The following SLC45A1 variants were observed in gnomAD, a reference collection of about 807,000 sequenced individuals.
The protein encoded by SLC45A1 is proton-associated sugar transporter A.
SLC45A1 carries 28 observed loss-of-function variants against 57.6 expected under a neutral mutation model. The ratio of observed to expected loss-of-function variants is 0.49; its 90% confidence interval spans 0.36 to 0.67. SLC45A1 has a LOEUF of 0.67. Ranked by LOEUF, SLC45A1 falls within the 30% of genes least tolerant of loss-of-function variation. The pLI, the probability that SLC45A1 is intolerant of heterozygous loss-of-function variation, is 0.00. For synonymous variants in SLC45A1, 459 were observed against 471.5 expected, an observed-to-expected ratio of 0.97 and a Z score of 0.34; for missense variants, 814 against 1,041.5, an observed-to-expected ratio of 0.78 and a Z score of 3.01.
At chr1:8,321,987 GTGGA>G (rs1200811108) in intron 1 of SLC45A1, among the ~76,000 whole-genome samples, 4 of 67,088 alleles carry the variant, frequency 6.0e-5, no homozygotes, top group African/African-American at 1.8e-4. Context: ...GGATGGGTGG[GTGGA>G]TGGATGGATG....
Position 8,328,608 on chromosome 1 carries a change from G to A in SLC45A1, c.716-1601G>A, listed in dbSNP as rs539347852. 1.3e-5 allele frequency among the ~76,000 whole-genome samples: 2 copies of A among 152,342 alleles called. No homozygotes were observed. The highest frequency in any genetic ancestry group is 2.1e-4 in the South Asian group (1 of 4,830). Reference sequence around the variant, plus strand: ...ACTCCCAGCACTTTGGGAGACCAAGGCAGGCGGATCACCTGAGGTCAGGAG... The same window carrying A: ...ACTCCCAGCACTTTGGGAGACCAAGACAGGCGGATCACCTGAGGTCAGGAG... On this transcript the variant is annotated intron_variant, in intron 4 of 8. Transcript: ENST00000471889. The surrounding 1 kb of genome is among the most constrained non-coding windows in gnomAD (Gnocchi z 4.6).
In SLC45A1 at chr1:8,335,525, GC is replaced by G; in HGVS notation, c.1534del (p.Leu512SerfsTer62). On this transcript the variant is annotated frameshift_variant, in exon 6 of 9. Coordinates refer to ENST00000471889, the MANE Select transcript of SLC45A1 (RefSeq NM_001080397.3). LOFTEE classifies it high-confidence loss of function. This position sits in a 1 kb window ranked among gnomAD's most constrained non-coding sequence, Gnocchi z 4.1. Reference protein sequence around the residue: ...ERAEQPLSVGRLCSTICNMPK... With the variant: ...ERAEQPLSVGXLCSTICNMPK... Reference sequence around the variant, plus strand: ...GCGGAGCAGCCTCTGTCCGTGGGGCGCCTCTGCTCCACCATCTGCAACATGC... The same window carrying G: ...GCGGAGCAGCCTCTGTCCGTGGGGCGCTCTGCTCCACCATCTGCAACATGC... 1 of 1,605,650 alleles carries G rather than the reference GC, an allele frequency of 6.2e-7. No homozygotes were observed. Among genetic ancestry groups the G allele is most frequent in the Non-Finnish European group, 8.5e-7 (1 of 1,179,728 alleles).
chr1:8,333,708 T>A (rs556103840), intron 5 of SLC45A1, among the ~76,000 whole-genome samples: 1 of 152,382 alleles, frequency 6.6e-6, no homozygotes, highest in East Asian at 1.9e-4. Flanking sequence ...GTGCTGGGAT[T>A]CCAGGCGTGA....
rs1014946996 is a variant in SLC45A1, at chr1:8,327,565, G to A, written c.715+1523G>A. The stretch of plus-strand genomic sequence containing the variant: ...GGCTCAGGCCTACTCTCAACACTTC[G>A]GGAGGCTAAGCCAGGAGGATTGCTT... On this transcript the variant is annotated intron_variant, in intron 4 of 8. Transcript: ENST00000471889. This position sits in a 1 kb window ranked among gnomAD's most constrained non-coding sequence, Gnocchi z 4.3. 3.3e-5 allele frequency among the ~76,000 whole-genome samples: 5 copies of A among 152,260 alleles called. No homozygotes were observed. Among genetic ancestry groups the A allele is most frequent in the East Asian group, 1.9e-4 (1 of 5,186 alleles).
At chr1:8,333,772 G>A (rs1297892003) in intron 5 of SLC45A1, among the ~76,000 whole-genome samples, 1 of 152,196 alleles carries the variant, frequency 6.6e-6, no homozygotes. Flanking sequence ...GGGGCCTTTC[G>A]TTTGCTTTTC....
rs1640144370 is a variant in SLC45A1, at chr1:8,324,740, C to T, written c.397+14C>T. 6.4e-7 allele frequency: 1 copy of T among 1,564,326 alleles called. No homozygotes were observed. Among genetic ancestry groups the T allele is most frequent in the Non-Finnish European group, 8.7e-7 (1 of 1,153,660 alleles). On this transcript the variant is annotated intron_variant, in intron 2 of 8. Coordinates refer to ENST00000471889, the MANE Select transcript of SLC45A1 (RefSeq NM_001080397.3). The stretch of plus-strand genomic sequence containing the variant: ...GCCCCATCCTCGGTGAGCCCCGGCT[C>T]CTCCCCGATGGTGGAGGGCCTCTGG...
At chr1:8,341,321 G>C (rs1461064272) in intron 8 of SLC45A1, among the ~76,000 whole-genome samples, 1 of 151,452 alleles carries the variant, frequency 6.6e-6, no homozygotes, top group African/African-American at 2.4e-5. Context: ...GATTACCTGA[G>C]GTCAGGAGTT....
At position 8,330,410 on chromosome 1, in the gene SLC45A1, C is replaced by A; in HGVS notation, c.917C>A (p.Pro306His). 1 of 1,612,376 alleles carries A rather than the reference C, an allele frequency of 6.2e-7. No individual in the cohort carries two copies. Among genetic ancestry groups the A allele is most frequent in the South Asian group, 1.1e-5 (1 of 91,038 alleles). The change falls in exon 5 of 9, where the codon CCC becomes CAC. Residue 306 changes from proline to histidine, a missense_variant. By Grantham distance (77) the Pro-to-His change is moderately conservative (BLOSUM62 -2). Coordinates refer to ENST00000471889, the MANE Select transcript of SLC45A1 (RefSeq NM_001080397.3). The surrounding 1 kb of genome is among the most constrained non-coding windows in gnomAD (Gnocchi z 8.4). ...PSEKRAAMKS[P>H]SLPLPPSPPV... ...GAGAAGCGGGCAGCCATGAAGAGCC[C>A]CAGCCTCCCGCTGCCCCCGTCCCCA...
At chr1:8,342,763 G>T (rs946787919) in intron 8 of SLC45A1, among the ~76,000 whole-genome samples, 1 of 151,744 alleles carries the variant, frequency 6.6e-6, no homozygotes, top group African/African-American at 2.4e-5. Flanking sequence ...GCCAGGTGTG[G>T]TGGCATGCAC....
chr1:8,324,587 G>A lies in SLC45A1; in HGVS notation c.258G>A (p.Glu86=). The A allele has an allele frequency of 6.2e-7, 1 of 1,613,130 alleles. No individual in the cohort carries two copies. The highest frequency in any genetic ancestry group is 8.5e-7 in the Non-Finnish European group (1 of 1,179,888). The change falls in exon 2 of 9, where the codon GAG becomes GAA. Residue 86 remains glutamate, a synonymous_variant. Transcript: ENST00000471889. ...GDLHPQRSFR[E]LLFNGCILFG... ...TGCACCCCCAGAGGTCCTTCCGGGA[G>A]CTGCTTTTCAACGGCTGCATTCTCT... is the stretch of plus-strand genomic sequence containing the variant.
chr1:8,321,521 C>T (rs1640008057), intron 1 of SLC45A1, among the ~76,000 whole-genome samples: 1 of 152,158 alleles, frequency 6.6e-6, no homozygotes, highest in African/African-American at 2.4e-5. Context: ...CCCAATGATT[C>T]TACCCCCCAG....
chr1:8,318,686 C>CAGCT (rs538539574), intron 1 of SLC45A1, among the ~76,000 whole-genome samples: 13 of 152,218 alleles, frequency 8.5e-5, no homozygotes, highest in Non-Finnish European at 1.5e-4. Flanking sequence ...GGAAGCCGTT[C>CAGCT]AGCTCCTTCT....
intron 5 of SLC45A1, among the ~76,000 whole-genome samples, chr1:8,331,669 G>A (rs1048539909): frequency 9.2e-5 from 14 of 152,144 alleles, no homozygotes; most frequent in Non-Finnish European, 1.5e-4. Flanking sequence ...CCTCAGAAAC[G>A]TGACGTCTTC....
Position 8,330,504 on chromosome 1 carries a change from C to T in SLC45A1, c.1011C>T (p.Pro337=). 1.2e-6 allele frequency: 2 copies of T among 1,613,172 alleles called. No homozygotes were observed. The highest frequency in any genetic ancestry group is 1.3e-5 in the African/African-American group (1 of 75,064). The change falls in exon 5 of 9, where the codon CCC becomes CCT. Residue 337 remains proline (P), a synonymous_variant. Coordinates refer to ENST00000471889, the MANE Select transcript of SLC45A1 (RefSeq NM_001080397.3). The surrounding 1 kb of genome is among the most constrained non-coding windows in gnomAD (Gnocchi z 8.4). ...PSHTATNFSS[P]ISPPSPLTPK... is the part of the protein sequence containing the mutation. ...ACACGGCCACCAACTTCTCCAGCCC[C>T]ATCTCGCCGCCCAGCCCCCTCACGC...
chr1:8,324,334 TC>T lies in SLC45A1; in HGVS notation c.9del (p.Ala4GlnfsTer32), dbSNP rs1557558949. On this transcript the variant is annotated frameshift_variant, in exon 2 of 9. Transcript: ENST00000471889. LOFTEE classifies it high-confidence loss of function. ...CGCCCACCAGCCCTCCCCACGATGA[TC>T]CCCGCAGCCAGCAGCACCCCGCCGG... The part of the protein sequence containing the change: M[I>X]PAASSTPPGD... The T allele has an allele frequency of 6.2e-7, 1 of 1,611,718 alleles. No homozygotes were observed. The highest frequency in any genetic ancestry group is 8.5e-7 in the Non-Finnish European group (1 of 1,179,420).
rs1299190778 is a variant in SLC45A1, at chr1:8,326,898, T to G, written c.715+856T>G. Among the ~76,000 whole-genome samples, 3 of 152,206 alleles carry G rather than the reference T, an allele frequency of 2.0e-5. No homozygotes were observed. Among genetic ancestry groups the G allele is most frequent in the Admixed American group, 6.5e-5 (1 of 15,270 alleles). On this transcript the variant is annotated intron_variant, in intron 4 of 8. Transcript: ENST00000471889. This position sits in a 1 kb window ranked among gnomAD's most constrained non-coding sequence, Gnocchi z 5.5. Reference sequence around the variant, plus strand: ...GGGAGGCTGAGGCAGGAGAATCACTTGAATCCGGGAGGCGGAGGTTGCAGT... The same window carrying G: ...GGGAGGCTGAGGCAGGAGAATCACTGGAATCCGGGAGGCGGAGGTTGCAGT...
At chr1:8,318,769 GA>G (rs1376361685) in intron 1 of SLC45A1, among the ~76,000 whole-genome samples, 1 of 152,218 alleles carries the variant, frequency 6.6e-6, no homozygotes, top group Non-Finnish European at 1.5e-5. Context: ...CTCTTACAGG[GA>G]AGCAGAGTCA....
chr1:8,341,518 G>C (rs1640816285), intron 8 of SLC45A1, among the ~76,000 whole-genome samples: 1 of 142,814 alleles, frequency 7.0e-6, no homozygotes, highest in Admixed American at 7.1e-5. Context: ...CTGGGCGACA[G>C]AGCGAGACTC....
chr1:8,332,809 C>A (rs916831896), intron 5 of SLC45A1, among the ~76,000 whole-genome samples: 2 of 152,146 alleles, frequency 1.3e-5, no homozygotes, highest in African/African-American at 4.8e-5. Context: ...CCACACCCGG[C>A]CAGAATCCAT....
Sources: gnomAD v4.1 joint callset for allele counts (sites outside exome capture counted in the v4.1 genomes callset) on GRCh38, gnomAD v4.1.1 for gene constraint, Gnocchi (gnomAD v3.1) non-coding constraint, MANE v1.5 for transcripts, NCBI Gene and HGNC (gene_info 2026-07-23, HGNC 2026-07-21) for gene names.